Variants in FNBP1 observed in about 807,000 individuals in gnomAD.
FNBP1 encodes formin binding protein 1.
FNBP1 carries 26 observed loss-of-function variants against 90.6 expected under a neutral mutation model. The observed-to-expected ratio is 0.29, with a 90% confidence interval of 0.21 to 0.40. FNBP1 has a LOEUF of 0.40. Ranked by LOEUF, FNBP1 falls within the 10% of genes least tolerant of loss-of-function variation. The probability of loss-of-function intolerance (pLI) is 1.00; values close to 1 mark genes in which losing one functional copy is unlikely to be tolerated. For synonymous variants in FNBP1, 260 were observed against 265.2 expected, an observed-to-expected ratio of 0.98 and a Z score of 0.19; for missense variants, 635 against 768.0, an observed-to-expected ratio of 0.83 and a Z score of 2.05.
chr9:130,035,818 C>T (rs2059258652), intron 1 of FNBP1, among the ~76,000 whole-genome samples: 2 of 151,942 alleles, frequency 1.3e-5, no homozygotes, highest in South Asian at 4.1e-4. Context: ...TGGTGGCACA[C>T]GCCTGTAATC....
chr9:129,925,010 A>G lies in FNBP1; in HGVS notation c.937T>C (p.Phe313Leu). 1 of 1,613,846 alleles carries G rather than the reference A, an allele frequency of 6.2e-7. No homozygotes were observed. The highest frequency in any genetic ancestry group is 8.5e-7 in the Non-Finnish European group (1 of 1,179,856). The stretch of plus-strand genomic sequence containing the variant: ...AACTTTCCTTTGGATTTGCCACCAA[A>G]TTTGAGGTCTGGTTTGCCTTCTCCT... ...SRGEGKPDLK[F>L]GGKSKGKLWP... The change falls in exon 9 of 17, where the codon TTT becomes CTT. Residue 313 changes from phenylalanine (F) to leucine (L), a missense_variant. By Grantham distance (22) the Phe-to-Leu change is conservative. Coordinates refer to ENST00000446176, the MANE Select transcript of FNBP1 (RefSeq NM_015033.3).
rs56217495 is a variant in FNBP1 at position 129,905,294 on chromosome 9, G to GTATATATATATATATATATATATATATA, written c.1296-2294_1296-2293insTATATATATATATATATATATATATATA. 1.4e-3 allele frequency among the ~76,000 whole-genome samples: 191 copies of GTATATATATATATATATATATATATATA among 132,258 alleles called. 2 individuals carry two copies. The highest frequency in any genetic ancestry group is 4.0e-3 in the African/African-American group (140 of 34,646). The allele number at this position is 132,258 out of a possible 152,430, so 86.8% of individuals were successfully genotyped here. A position where few individuals can be genotyped will look rare whatever the true frequency, so the allele number is the denominator to read the frequency against. The stretch of plus-strand genomic sequence containing the variant: ...TTGAATTGTGTGTGTGTGTGTGTGT[G>GTATATATATATATATATATATATATATA]TATATATATATATATATATTTTGTT... On this transcript the variant is annotated intron_variant, in intron 12 of 16. Transcript: ENST00000446176.
intron 1 of FNBP1, among the ~76,000 whole-genome samples, chr9:130,002,669 T>C (rs1707001955): frequency 6.6e-6 from 1 of 152,142 alleles, no homozygotes; most frequent in South Asian, 2.1e-4. Context: ...CAAACAAAGA[T>C]TTTTTTCTTT....
At chr9:130,006,213 C>T (rs961119980) in intron 1 of FNBP1, among the ~76,000 whole-genome samples, 9 of 152,064 alleles carry the variant, frequency 5.9e-5, no homozygotes, top group African/African-American at 1.9e-4. Context: ...GAGGCCAAGG[C>T]GGGTGGATCA....
chr9:129,984,774 A>G (rs2051886526), intron 2 of FNBP1, among the ~76,000 whole-genome samples: 1 of 152,142 alleles, frequency 6.6e-6, no homozygotes, highest in Non-Finnish European at 1.5e-5. Context: ...GTGATAGTGA[A>G]TAAGTCTCAC....
chr9:129,945,075 T>C (rs2045028628), intron 6 of FNBP1, among the ~76,000 whole-genome samples: 1 of 152,128 alleles, frequency 6.6e-6, no homozygotes, highest in Non-Finnish European at 1.5e-5. Flanking sequence ...TGCTGCTTGA[T>C]TGCTATTTTG....
In FNBP1 at chr9:129,890,289, G is replaced by A; in HGVS notation, c.*250C>T. The stretch of plus-strand genomic sequence containing the variant: ...CTCAGTGGCCTGCGCGGGGTGGGGA[G>A]GGGGAGCGATGAGGACTGACCCGAG... On this transcript the variant is annotated 3_prime_UTR_variant, in exon 17 of 17. Transcript: ENST00000446176. This position sits in a 1 kb window ranked among gnomAD's most constrained non-coding sequence, Gnocchi z 5.8. The A allele has an allele frequency of 1.9e-6, 1 of 539,136 alleles. No individual in the cohort carries two copies. Among genetic ancestry groups the A allele is most frequent in the Non-Finnish European group, 3.3e-6 (1 of 303,718 alleles). 33.4% of individuals were successfully genotyped at this position (539,136 alleles called of 1,614,324 possible).
At chr9:130,019,756 T>C (rs944853763) in intron 1 of FNBP1, among the ~76,000 whole-genome samples, 2 of 152,228 alleles carry the variant, frequency 1.3e-5, no homozygotes, top group Non-Finnish European at 2.9e-5. Flanking sequence ...TTATTTATTA[T>C]TTTTTATTTT....
chr9:130,042,451 G>T lies in FNBP1; in HGVS notation c.24+501C>A, dbSNP rs1038617693. Among the ~76,000 whole-genome samples the T allele has an allele frequency of 1.3e-5, 2 of 151,852 alleles. No individual in the cohort carries two copies. The highest frequency in any genetic ancestry group is 4.8e-5 in the African/African-American group (2 of 41,380). ...CTCTCGCCCCAGCACCCCAAAACCC[G>T]ACCCCCGGCGCTCGCCCCGGCCGCC... On this transcript the variant is annotated intron_variant, in intron 1 of 16. Transcript: ENST00000446176. The surrounding 1 kb of genome is among the most constrained non-coding windows in gnomAD (Gnocchi z 5.5).
intron 4 of FNBP1, among the ~76,000 whole-genome samples, chr9:129,975,852 G>A (rs1249587503): frequency 2.9e-5 from 4 of 138,584 alleles, no homozygotes; most frequent in Non-Finnish European, 4.5e-5. Context: ...GTGGTTAGGC[G>A]AGATCGTGCC....
At chr9:130,008,206 G>A (rs75108440) in intron 1 of FNBP1, among the ~76,000 whole-genome samples, 1,604 of 151,796 alleles carry the variant, frequency 0.011, 41 homozygotes, top group African/African-American at 0.037. Flanking sequence ...AAAATTAGCT[G>A]GGTGTGGTGT....
intron 6 of FNBP1, among the ~76,000 whole-genome samples, chr9:129,955,788 A>G (rs2046840572): frequency 1.3e-5 from 2 of 151,138 alleles, no homozygotes; most frequent in South Asian, 4.2e-4. Context: ...AAAAGAGACC[A>G]TATCTCGGTA....
intron 10 of FNBP1, among the ~76,000 whole-genome samples, chr9:129,917,325 T>C (rs751901128): frequency 6.6e-6 from 1 of 152,016 alleles, no homozygotes; most frequent in African/African-American, 2.4e-5. Flanking sequence ...CTTTTTAAAG[T>C]ATTTATTTAC....
At chr9:129,960,247 T>A (rs1247131479) in intron 4 of FNBP1, among the ~76,000 whole-genome samples, 1 of 151,422 alleles carries the variant, frequency 6.6e-6, no homozygotes, top group Non-Finnish European at 1.5e-5. Flanking sequence ...CGTGGTGGCG[T>A]GGACCTGTAA....
At chr9:129,905,701 AT>A (rs1183888206) in intron 12 of FNBP1, among the ~76,000 whole-genome samples, 1 of 152,042 alleles carries the variant, frequency 6.6e-6, no homozygotes, top group Non-Finnish European at 1.5e-5. Flanking sequence ...AGGCTCAGTG[AT>A]TTTTACCTCT....
intron 10 of FNBP1, among the ~76,000 whole-genome samples, chr9:129,917,074 G>A (rs1564321372): frequency 6.6e-6 from 1 of 152,014 alleles, no homozygotes; most frequent in Non-Finnish European, 1.5e-5. Context: ...GTGCAGTGGC[G>A]TAATCTCGGC....
At chr9:129,970,853 G>A (rs1244008638) in intron 4 of FNBP1, among the ~76,000 whole-genome samples, 2 of 152,186 alleles carry the variant, frequency 1.3e-5, no homozygotes, top group South Asian at 4.2e-4. Flanking sequence ...TTGCAGGGGA[G>A]AAAGGTTCTC....
intron 10 of FNBP1, among the ~76,000 whole-genome samples, chr9:129,921,688 CG>C (rs1256228076): frequency 1.3e-5 from 2 of 152,128 alleles, no homozygotes; most frequent in Non-Finnish European, 2.9e-5. Flanking sequence ...GCTGGGATTA[CG>C]GGCATGAGCC....
At chr9:129,928,215 G>A (rs1416799198) in intron 7 of FNBP1, among the ~76,000 whole-genome samples, 1 of 152,158 alleles carries the variant, frequency 6.6e-6, no homozygotes, top group Admixed American at 6.5e-5. Context: ...AACCTAACAT[G>A]AGCAAAAGAA....
Sources: allele counts gnomAD v4.1 joint callset (sites outside exome capture counted in the v4.1 genomes callset), GRCh38; gene constraint gnomAD v4.1.1; non-coding constraint Gnocchi (gnomAD v3.1); transcripts MANE v1.5; gene names NCBI Gene and HGNC (gene_info 2026-07-23, HGNC 2026-07-21).